The following BAZ1A variants were observed in gnomAD, a reference collection of about 807,000 sequenced individuals.
BAZ1A encodes bromodomain adjacent to zinc finger domain 1A.
Under a neutral mutation model 185.2 loss-of-function variants are expected in BAZ1A, and 50 were observed. That is an observed-to-expected ratio of 0.27 (90% confidence interval 0.22 to 0.34). The LOEUF is 0.34. BAZ1A is among the 10% of genes least tolerant of loss of function. The pLI, the probability that BAZ1A is intolerant of heterozygous loss-of-function variation, is 1.00. For synonymous variants in BAZ1A, 571 were observed against 615.6 expected, an observed-to-expected ratio of 0.93 and a Z score of 1.07; for missense variants, 1,356 against 1,839.9, an observed-to-expected ratio of 0.74 and a Z score of 4.81.
At chr14:34,778,692 C>CTA (rs925627542) in intron 17 of BAZ1A, among the ~76,000 whole-genome samples, 1 of 152,034 alleles carries the variant, frequency 6.6e-6, no homozygotes, top group Non-Finnish European at 1.5e-5. Flanking sequence ...TTGTGTATAT[C>CTA]TCATCTTTAA....
intron 25 of BAZ1A, among the ~76,000 whole-genome samples, chr14:34,756,780 A>G (rs1886270396): frequency 6.6e-6 from 1 of 151,854 alleles, no homozygotes; most frequent in Admixed American, 6.6e-5. Context: ...TAACTTTTAT[A>G]TCAGTGTTTC....
rs762561810 is a variant in BAZ1A at position 34,774,519 on chromosome 14, T to C, written c.2834-29A>G. 1.2e-5 allele frequency: 18 copies of C among 1,520,678 alleles called. No individual in the cohort carries two copies. The South Asian group carries it at 1.7e-4, about 14-fold the overall frequency. 94.2% of individuals were successfully genotyped at this position (1,520,678 alleles called of 1,614,324 possible). A position where few individuals can be genotyped will look rare whatever the true frequency, so the allele number is the denominator to read the frequency against. On this transcript the variant is annotated intron_variant, in intron 18 of 26. Transcript: ENST00000360310. The stretch of plus-strand genomic sequence containing the variant: ...AAATAGTAATCAAATACTTTTATTA[T>C]GATTTTCTTATTAAAAACTACAATT...
At chr14:34,849,918 C>T (rs923811975) in intron 3 of BAZ1A, among the ~76,000 whole-genome samples, 1 of 152,204 alleles carries the variant, frequency 6.6e-6, no homozygotes, top group East Asian at 1.9e-4. Flanking sequence ...TTTATAGCAA[C>T]TTATTCTCTT....
chr14:34,864,349 G>A (rs2042820053), intron 2 of BAZ1A, among the ~76,000 whole-genome samples: 1 of 151,894 alleles, frequency 6.6e-6, no homozygotes, highest in South Asian at 2.1e-4. Context: ...TCATCATGTT[G>A]GCCAAGCTGG....
intron 9 of BAZ1A, among the ~76,000 whole-genome samples, chr14:34,796,161 T>TACACACACACACACAC (rs1300254990): frequency 1.3e-5 from 1 of 78,086 alleles, no homozygotes; most frequent in East Asian, 3.6e-4. Flanking sequence ...CATATACATA[T>TACACACACACACACAC]ACATACACAC....
chr14:34,771,275 A>C lies in BAZ1A; in HGVS notation c.3301+236T>G, dbSNP rs758212803. Reference sequence around the variant, plus strand: ...CAGCCTCCCAAAGTGTTGGGATTACAGGCATGAGCCACTGTGCCTAGCTGG... The same window carrying C: ...CAGCCTCCCAAAGTGTTGGGATTACCGGCATGAGCCACTGTGCCTAGCTGG... On this transcript the variant is annotated intron_variant, in intron 21 of 26. Coordinates refer to ENST00000360310, the MANE Select transcript of BAZ1A (RefSeq NM_013448.3). 1.3e-4 allele frequency: 51 copies of C among 384,194 alleles called. No individual in the cohort carries two copies. The highest frequency in any genetic ancestry group is 2.1e-4 in the Non-Finnish European group (45 of 217,850). The allele number at this position is 384,194 out of a possible 1,614,324, so 23.8% of individuals were successfully genotyped here.
intron 3 of BAZ1A, among the ~76,000 whole-genome samples, chr14:34,842,200 C>T (rs1237916748): frequency 6.6e-6 from 1 of 152,010 alleles, no homozygotes; most frequent in African/African-American, 2.4e-5. Flanking sequence ...ATACTGCCTA[C>T]TACCTTCAAA....
intron 16 of BAZ1A, among the ~76,000 whole-genome samples, chr14:34,781,235 G>C (rs1271505367): frequency 6.6e-6 from 1 of 151,048 alleles, no homozygotes; most frequent in Non-Finnish European, 1.5e-5. Context: ...GAAATCCATA[G>C]TGTTACTTTT....
chr14:34,754,822 C>T lies in BAZ1A; in HGVS notation c.4474+5G>A. On this transcript the variant is annotated splice_donor_5th_base_variant and intron_variant, in intron 26 of 26. Transcript: ENST00000360310. ...AAATATCAAAGAAAAACATAAATTA[C>T]TTACATGCTAATTTATATTCACACT... The T allele has an allele frequency of 6.5e-7, 1 of 1,530,070 alleles. No individual in the cohort carries two copies. The highest frequency in any genetic ancestry group is 8.9e-7 in the Non-Finnish European group (1 of 1,122,808). 94.8% of individuals were successfully genotyped at this position (1,530,070 alleles called of 1,614,324 possible). A position where few individuals can be genotyped will look rare whatever the true frequency, so the allele number is the denominator to read the frequency against.
At chr14:34,863,957 G>C (rs2042813048) in intron 2 of BAZ1A, among the ~76,000 whole-genome samples, 1 of 151,586 alleles carries the variant, frequency 6.6e-6, no homozygotes, top group Non-Finnish European at 1.5e-5. Flanking sequence ...CTGAGTATTT[G>C]GGACTACAGG....
At chr14:34,803,115 T>A in intron 6 of BAZ1A, 127 bp from the exon 7 acceptor site, 1 of 1,007,134 alleles carries the variant, frequency 9.9e-7, no homozygotes, top group Non-Finnish European at 1.4e-6. Context: ...GCACAGTGGC[T>A]CATGCCTGTA....
chr14:34,796,048 C>T (rs985771767), intron 9 of BAZ1A, among the ~76,000 whole-genome samples: 1 of 151,952 alleles, frequency 6.6e-6, no homozygotes, highest in Non-Finnish European at 1.5e-5. Flanking sequence ...ACATGTAATC[C>T]CAGCACTTTG....
chr14:34,794,209 G>A (rs968564117), intron 11 of BAZ1A, among the ~76,000 whole-genome samples: 1 of 152,036 alleles, frequency 6.6e-6, no homozygotes, highest in African/African-American at 2.4e-5. Context: ...ATTTTACCAT[G>A]TGACAGCCAA....
At chr14:34,868,324 T>C (rs1482675413) in intron 2 of BAZ1A, among the ~76,000 whole-genome samples, 2 of 152,212 alleles carry the variant, frequency 1.3e-5, no homozygotes, top group Non-Finnish European at 2.9e-5. Context: ...CTCTTTACCA[T>C]TATTTCATAA....
chr14:34,756,680 G>A (rs1201655057), intron 25 of BAZ1A, among the ~76,000 whole-genome samples: 1 of 151,232 alleles, frequency 6.6e-6, no homozygotes, highest in Non-Finnish European at 1.5e-5. Flanking sequence ...TGGCAAGGCT[G>A]GTCTTGAACT....
In BAZ1A at chr14:34,785,866, G is replaced by C. The variant is rs115031983; in HGVS notation, c.1742C>G (p.Ala581Gly). Residue 581 changes from alanine (A) to glycine (G), a missense_variant, in exon 14 of 27, where the codon GCT (alanine) becomes GGT (glycine). Ala to Gly is a moderately conservative substitution (Grantham distance 60). Coordinates refer to ENST00000360310, the MANE Select transcript of BAZ1A (RefSeq NM_013448.3). ...YRYQKRGGFD[A>G]TDDACMELRL... is the part of the protein sequence containing the mutation. The stretch of plus-strand genomic sequence containing the variant: ...AAGCTCCATACAAGCATCATCTGTA[G>C]CATCAAATCCTCCTCGTTTTTGATA... The C allele has an allele frequency of 6.2e-7, 1 of 1,614,054 alleles. No individual in the cohort carries two copies. The highest frequency in any genetic ancestry group is 1.1e-5 in the South Asian group (1 of 91,080).
chr14:34,815,353 A>G (rs945530477), intron 4 of BAZ1A, among the ~76,000 whole-genome samples: 27 of 152,360 alleles, frequency 1.8e-4, no homozygotes, highest in South Asian at 1.7e-3. Flanking sequence ...CACCTACAAG[A>G]TAGAAACTAC....
At chr14:34,773,106 C>G (rs536624381) in intron 20 of BAZ1A, among the ~76,000 whole-genome samples, 1 of 152,266 alleles carries the variant, frequency 6.6e-6, no homozygotes, top group East Asian at 1.9e-4. Flanking sequence ...GACAGGGTCT[C>G]ACTATGTTGC....
intron 2 of BAZ1A, among the ~76,000 whole-genome samples, chr14:34,869,997 TA>T (rs2042925604): frequency 1.3e-5 from 2 of 152,148 alleles, no homozygotes; most frequent in African/African-American, 4.8e-5. Context: ...TGCCTCAGCC[TA>T]GCCTCCAGCT....
Sources: gnomAD v4.1 joint callset for allele counts (sites outside exome capture counted in the v4.1 genomes callset) on GRCh38, gnomAD v4.1.1 for gene constraint, MANE v1.5 for transcripts, NCBI Gene and HGNC (gene_info 2026-07-23, HGNC 2026-07-21) for gene names.